The following FAT3 variants were observed in gnomAD, a reference collection of about 807,000 sequenced individuals.
FAT3 encodes protocadherin Fat 3.
Under a neutral mutation model 310.2 loss-of-function variants are expected in FAT3, and 95 were observed. That is an observed-to-expected ratio of 0.31 (90% CI 0.26 to 0.36). The LOEUF is 0.36. FAT3 is among the 10% of genes least tolerant of loss of function. The pLI, the probability that FAT3 is intolerant of heterozygous loss-of-function variation, is 1.00. For synonymous variants in FAT3, 2,314 were observed against 2,192.9 expected, an observed-to-expected ratio of 1.06 and a Z score of -1.54; for missense variants, 5,408 against 5,715.6, an observed-to-expected ratio of 0.95 and a Z score of 1.74.
In FAT3 at chr11:92,338,727, A is replaced by C. The variant is rs538028314; in HGVS notation, c.-17-13369A>C. 9.2e-5 allele frequency among the ~76,000 whole-genome samples: 14 copies of C among 152,280 alleles called. No homozygotes were observed. In the South Asian group the frequency reaches 2.5e-3, roughly 27 times the overall value. On this transcript the variant is annotated intron_variant, in intron 1 of 27. Coordinates refer to ENST00000525166, the MANE Select transcript of FAT3 (RefSeq NM_001367949.2). The stretch of plus-strand genomic sequence containing the variant: ...TGAGATACGAGTCAGGTTGGCCAAA[A>C]ACTAGAGAACATTAGTCCTTGGGAA...
intron 2 of FAT3, among the ~76,000 whole-genome samples, chr11:92,365,870 A>G (rs767563764): frequency 5.3e-5 from 8 of 152,234 alleles, no homozygotes; most frequent in Non-Finnish European, 1.2e-4. Context: ...ATGTGGGGCT[A>G]TTTCAACTGC....
chr11:92,879,883 A>C (rs558583121), intron 22 of FAT3, among the ~76,000 whole-genome samples: 1 of 152,142 alleles, frequency 6.6e-6, no homozygotes, highest in Non-Finnish European at 1.5e-5. Context: ...TAGTGGACAA[A>C]ATAAAACTTG....
At chr11:92,576,215 T>C (rs1202918172) in intron 3 of FAT3, among the ~76,000 whole-genome samples, 1 of 152,168 alleles carries the variant, frequency 6.6e-6, no homozygotes, top group Admixed American at 6.5e-5. Context: ...GTCACCGAGC[T>C]GCATTCATTT....
rs770522223 is a variant in FAT3 at position 92,857,257 on chromosome 11, G to A, written c.11409G>A (p.Pro3803=). 5.3e-5 allele frequency: 85 copies of A among 1,613,882 alleles called. No homozygotes were observed. The highest frequency in any genetic ancestry group is 6.7e-5 in the East Asian group (3 of 44,878). The part of the protein sequence containing the change: ...PGSNDPCVEK[P]CPGDMQCVSY... ...CCAACGATCCTTGTGTGGAGAAGCCGTGTCCAGGGGACATGCAGTGTGTCA... is the reference window on the plus strand; with the variant it reads ...CCAACGATCCTTGTGTGGAGAAGCCATGTCCAGGGGACATGCAGTGTGTCA... Residue 3803 remains proline, a synonymous_variant, in exon 20 of 28, where the codon CCG becomes CCA. Transcript: ENST00000525166.
chr11:92,816,523 CTG>C (rs978962158), intron 13 of FAT3, among the ~76,000 whole-genome samples: 11 of 152,160 alleles, frequency 7.2e-5, no homozygotes, highest in Non-Finnish European at 1.6e-4. Context: ...TAGGGGAGGA[CTG>C]GGGAGACTTG....
chr11:92,697,006 C>A (rs528886299), intron 3 of FAT3, among the ~76,000 whole-genome samples: 1 of 152,130 alleles, frequency 6.6e-6, no homozygotes, highest in Non-Finnish European at 1.5e-5. Context: ...ATCTAATCAG[C>A]ATAAACAACC....
At chr11:92,389,287 A>G (rs1187999137) in intron 2 of FAT3, among the ~76,000 whole-genome samples, 1 of 150,436 alleles carries the variant, frequency 6.6e-6, no homozygotes, top group Non-Finnish European at 1.5e-5. Context: ...GAAACTAGGA[A>G]GTCTAAGACC....
chr11:92,258,500 C>G (rs1005168124), intron 1 of FAT3, among the ~76,000 whole-genome samples: 15 of 151,972 alleles, frequency 9.9e-5, no homozygotes, highest in Non-Finnish European at 1.8e-4. Flanking sequence ...ATGAAAGAAG[C>G]CCACAGCTGG....
At position 92,890,754 on chromosome 11, in the gene FAT3, C is replaced by G. The variant is rs1462449512; in HGVS notation, c.13411C>G (p.Pro4471Ala). Residue 4471 changes from proline (P) to alanine (A), a missense_variant, in exon 28 of 28, where the codon CCT (proline) becomes GCT (alanine). Coordinates refer to ENST00000525166, the MANE Select transcript of FAT3 (RefSeq NM_001367949.2). ...DQYEALPPSQ[P>A]VSLASTLSPD... Reference sequence around the variant, plus strand: ...ATATGAGGCCCTGCCACCCTCCCAGCCTGTCTCCCTGGCCAGCACACTGAG... The same window carrying G: ...ATATGAGGCCCTGCCACCCTCCCAGGCTGTCTCCCTGGCCAGCACACTGAG... The G allele has an allele frequency of 1.2e-6, 2 of 1,613,872 alleles. No homozygotes were observed. Among genetic ancestry groups the G allele is most frequent in the Non-Finnish European group, 1.7e-6 (2 of 1,179,864 alleles).
At chr11:92,564,646 C>T (rs1366652166) in intron 3 of FAT3, among the ~76,000 whole-genome samples, 2 of 152,138 alleles carry the variant, frequency 1.3e-5, no homozygotes, top group Middle Eastern at 3.2e-3. Flanking sequence ...GTAAAGCTCT[C>T]CTCAGTAAAT....
chr11:92,846,992 TG>T (rs1771548958), intron 19 of FAT3, among the ~76,000 whole-genome samples: 2 of 152,238 alleles, frequency 1.3e-5, no homozygotes, highest in Admixed American at 6.5e-5. Flanking sequence ...CTTTGTGCCT[TG>T]CCCAGGGCCA....
Position 92,834,983 on chromosome 11 carries a change from A to G in FAT3, c.9985A>G (p.Ile3329Val), listed in dbSNP as rs75651194. The part of the protein sequence containing the change: ...PALSAVATVN[I>V]NLTDVNDNPP... ...TCTCAGCGCTGTGGCCACTGTCAAC[A>G]TCAACCTCACAGATGTTAATGACAA... Residue 3329 changes from isoleucine to valine, a missense_variant, in exon 15 of 28, where the codon ATC (isoleucine) becomes GTC (valine). Coordinates refer to ENST00000525166, the MANE Select transcript of FAT3 (RefSeq NM_001367949.2). The G allele has an allele frequency of 0.012, 19,886 of 1,613,684 alleles. 137 individuals carry two copies. The highest frequency in any genetic ancestry group is 0.015 in the Middle Eastern group (88 of 6,062).
At chr11:92,252,617 T>G (rs185461734) in intron 1 of FAT3, among the ~76,000 whole-genome samples, 45 of 152,300 alleles carry the variant, frequency 3.0e-4, no homozygotes, top group Admixed American at 1.5e-3. Flanking sequence ...CCATGTATCC[T>G]TTCCTTACAT....
At chr11:92,444,778 A>G (rs1033874514) in intron 2 of FAT3, among the ~76,000 whole-genome samples, 1 of 152,018 alleles carries the variant, frequency 6.6e-6, no homozygotes, top group African/African-American at 2.4e-5. Flanking sequence ...GTCAATGCAT[A>G]TGACCTTCTC....
rs5793589 is a variant in FAT3 at position 92,240,569 on chromosome 11, ACC to A, written c.-18+15401_-18+15402del. ...GCACAATTACTTGAAACAAAATGAA[ACC>A]CCCCCAAAAAAAAAAAACCCAAAAA... is the stretch of plus-strand genomic sequence containing the variant. On this transcript the variant is annotated intron_variant, in intron 1 of 27. Coordinates refer to ENST00000525166, the MANE Select transcript of FAT3 (RefSeq NM_001367949.2). Among the ~76,000 whole-genome samples the A allele has an allele frequency of 6.3e-4, 89 of 141,096 alleles. 1 individual carries two copies. The highest frequency in any genetic ancestry group is 1.9e-3 in the African/African-American group (74 of 38,156). 92.6% of individuals were successfully genotyped at this position (141,096 alleles called of 152,430 possible). A position where few individuals can be genotyped will look rare whatever the true frequency, so the allele number is the denominator to read the frequency against.
At chr11:92,854,732 T>C (rs964711098) in intron 19 of FAT3, among the ~76,000 whole-genome samples, 2 of 152,358 alleles carry the variant, frequency 1.3e-5, no homozygotes, top group Non-Finnish European at 2.9e-5. Context: ...TGGCCCTTTT[T>C]TCCCCCTTTG....
chr11:92,460,864 G>A (rs1951620824), intron 2 of FAT3, among the ~76,000 whole-genome samples: 1 of 152,160 alleles, frequency 6.6e-6, no homozygotes, highest in Admixed American at 6.5e-5. Context: ...TTGAATAGGG[G>A]AGGCAACTCC....
intron 3 of FAT3, among the ~76,000 whole-genome samples, chr11:92,601,286 G>A (rs568688913): frequency 4.6e-5 from 7 of 152,230 alleles, no homozygotes; most frequent in African/African-American, 1.4e-4. Context: ...GCTGCCAGGT[G>A]CAGTGACTCA....
chr11:92,592,469 G>T (rs115526655), intron 3 of FAT3, among the ~76,000 whole-genome samples: 1 of 151,734 alleles, frequency 6.6e-6, no homozygotes, highest in African/African-American at 2.4e-5. Flanking sequence ...TTACAAGCGC[G>T]TGCCACCACA....
Sources: allele counts gnomAD v4.1 joint callset (sites outside exome capture counted in the v4.1 genomes callset), GRCh38; gene constraint gnomAD v4.1.1; transcripts MANE v1.5; gene names NCBI Gene and HGNC (gene_info 2026-07-23, HGNC 2026-07-21).